The following MGMT variants were observed in gnomAD, a reference collection of about 807,000 sequenced individuals.
MGMT encodes the protein methylated-DNA--protein-cysteine methyltransferase.
MGMT carries 14 observed loss-of-function variants against 15.9 expected under a neutral mutation model. The ratio of observed to expected loss-of-function variants is 0.88; its 90% CI spans 0.58 to 1.37. The LOEUF (loss-of-function observed/expected upper bound fraction) is 1.37, where lower values mean the gene tolerates loss of function less well. Among genes scored for constraint, MGMT ranks in the 40% most tolerant of loss-of-function variants. The pLI, the probability that MGMT is intolerant of heterozygous loss-of-function variation, is 0.00. For missense variants in MGMT, 282 were observed against 268.1 expected (o/e 1.05, Z -0.36); for synonymous variants, 130 against 118.2 (o/e 1.10, Z -0.65).
chr10:129,647,444 A>G (rs1847410420), intron 2 of MGMT, among the ~76,000 whole-genome samples: 4 of 152,192 alleles, frequency 2.6e-5, no homozygotes, highest in Admixed American at 1.3e-4. Context: ...CACTTAGGAA[A>G]TGCGCTAGGG....
intron 2 of MGMT, among the ~76,000 whole-genome samples, chr10:129,588,661 A>G (rs1052241592): frequency 2.0e-5 from 3 of 152,148 alleles, no homozygotes; most frequent in Non-Finnish European, 2.9e-5. Context: ...TCCTGCCTGT[A>G]CTGCGAGCCA....
At chr10:129,640,674 T>G (rs1346844705) in intron 2 of MGMT, among the ~76,000 whole-genome samples, 1 of 152,100 alleles carries the variant, frequency 6.6e-6, no homozygotes, top group East Asian at 1.9e-4. Context: ...AGAAGAAAAA[T>G]ACAGACCAAT....
At chr10:129,538,827 G>C (rs936023902) in intron 2 of MGMT, among the ~76,000 whole-genome samples, 1 of 152,074 alleles carries the variant, frequency 6.6e-6, no homozygotes, top group Non-Finnish European at 1.5e-5. Context: ...GTAGAGACAG[G>C]GTTTCACCAT....
At chr10:129,549,599 T>C (rs1846133396) in intron 2 of MGMT, among the ~76,000 whole-genome samples, 1 of 152,200 alleles carries the variant, frequency 6.6e-6, no homozygotes, top group Non-Finnish European at 1.5e-5. Context: ...TCTCTTTTCT[T>C]TTTGACAAAT....
chr10:129,749,450 C>G (rs1191180932), intron 3 of MGMT, among the ~76,000 whole-genome samples: 3 of 152,140 alleles, frequency 2.0e-5, no homozygotes, highest in Non-Finnish European at 2.9e-5. Flanking sequence ...TCCGTGTCTT[C>G]TGCATAGCTC....
intron 2 of MGMT, among the ~76,000 whole-genome samples, chr10:129,691,825 C>T (rs903548346): frequency 1.3e-5 from 2 of 152,300 alleles, no homozygotes; most frequent in African/African-American, 4.8e-5. Flanking sequence ...GGTGTCCGTG[C>T]CCTCTCCTGG....
intron 1 of MGMT, among the ~76,000 whole-genome samples, chr10:129,524,244 C>T (rs1845844774): frequency 6.6e-6 from 1 of 152,230 alleles, no homozygotes; most frequent in African/African-American, 2.4e-5. Flanking sequence ...CTCTGGCGTG[C>T]TCAGGCCCCT....
intron 1 of MGMT, among the ~76,000 whole-genome samples, chr10:129,489,338 T>C (rs2119652859): frequency 8.4e-6 from 1 of 119,152 alleles, no homozygotes; most frequent in South Asian, 2.7e-4. Context: ...CCAGCCTGGG[T>C]GACAGTGCAG....
chr10:129,661,124 C>A (rs1847592443), intron 2 of MGMT, among the ~76,000 whole-genome samples: 1 of 152,082 alleles, frequency 6.6e-6, no homozygotes, highest in Non-Finnish European at 1.5e-5. Flanking sequence ...CCTAATATAT[C>A]ATAGGCTTTC....
intron 2 of MGMT, among the ~76,000 whole-genome samples, chr10:129,600,711 G>A (rs539955601): frequency 1.2e-4 from 19 of 152,308 alleles, no homozygotes; most frequent in African/African-American, 3.4e-4. Flanking sequence ...AATGGCCTGC[G>A]TGGGTATCCT....
At chr10:129,476,713 G>A (rs372434090) in intron 1 of MGMT, among the ~76,000 whole-genome samples, 28 of 152,278 alleles carry the variant, frequency 1.8e-4, no homozygotes, top group African/African-American at 6.5e-4. Flanking sequence ...GGGGCTGCAG[G>A]GCTTGGCTGG....
intron 2 of MGMT, among the ~76,000 whole-genome samples, chr10:129,688,676 T>C (rs1847937062): frequency 6.6e-6 from 1 of 152,226 alleles, no homozygotes; most frequent in African/African-American, 2.4e-5. Flanking sequence ...TATTTTGATG[T>C]GCAGAAGCTC....
intron 2 of MGMT, among the ~76,000 whole-genome samples, chr10:129,632,759 C>T (rs1210806041): frequency 6.6e-6 from 1 of 152,076 alleles, no homozygotes; most frequent in African/African-American, 2.4e-5. Context: ...TTCAAAGTCT[C>T]ATCTTTATTC....
chr10:129,594,499 C>T (rs1333283827), intron 2 of MGMT, among the ~76,000 whole-genome samples: 1 of 152,154 alleles, frequency 6.6e-6, no homozygotes, highest in Non-Finnish European at 1.5e-5. Context: ...GAGGGTACTG[C>T]TATGAGAAGC....
chr10:129,720,678 G>A (rs1564773696), intron 3 of MGMT, among the ~76,000 whole-genome samples: 1 of 152,246 alleles, frequency 6.6e-6, no homozygotes. Flanking sequence ...CTGCTAGCAT[G>A]TGCTCCTGAA....
intron 1 of MGMT, among the ~76,000 whole-genome samples, chr10:129,477,307 C>T (rs1218355155): frequency 6.6e-6 from 1 of 152,152 alleles, no homozygotes; most frequent in Non-Finnish European, 1.5e-5. Context: ...GTTTCCATCT[C>T]TTGATGGTGG....
chr10:129,493,885 A>C (rs747143169), intron 1 of MGMT, among the ~76,000 whole-genome samples: 68 of 152,340 alleles, frequency 4.5e-4, no homozygotes, highest in Non-Finnish European at 8.5e-4. Flanking sequence ...CATCACGTGC[A>C]CACTTACACC....
At chr10:129,726,440 C>T (rs1848435510) in intron 3 of MGMT, among the ~76,000 whole-genome samples, 1 of 152,270 alleles carries the variant, frequency 6.6e-6, no homozygotes, top group East Asian at 1.9e-4. Flanking sequence ...TGAGGACGCT[C>T]TCCAGCATCA....
chr10:129,632,017 G>A (rs1157290741), intron 2 of MGMT, among the ~76,000 whole-genome samples: 1 of 152,144 alleles, frequency 6.6e-6, no homozygotes, highest in Non-Finnish European at 1.5e-5. Flanking sequence ...GATTGCAGGC[G>A]TAAGCCACCG....
Sources: allele counts gnomAD v4.1 joint callset (sites outside exome capture counted in the v4.1 genomes callset), GRCh38; gene constraint gnomAD v4.1.1; transcripts MANE v1.5; gene names NCBI Gene and HGNC (gene_info 2026-07-23, HGNC 2026-07-21).